Variants in NUDT6 observed in about 807,000 individuals in gnomAD.
The protein encoded by NUDT6 is nudix hydrolase 6.
Under a neutral mutation model 36.8 loss-of-function variants are expected in NUDT6, and 24 were observed. The ratio of observed to expected loss-of-function variants is 0.65; its 90% confidence interval spans 0.47 to 0.92. NUDT6 has a LOEUF of 0.92. Ranked by LOEUF, NUDT6 falls within the 40% of genes least tolerant of loss-of-function variation. The probability of loss-of-function intolerance (pLI) is 0.00; values close to 1 mark genes in which losing one functional copy is unlikely to be tolerated. For missense variants in NUDT6, 388 were observed against 392.8 expected, an observed-to-expected ratio of 0.99 and a Z score of 0.10; for synonymous variants, 163 against 157.0, an observed-to-expected ratio of 1.04 and a Z score of -0.29.
intron 3 of NUDT6, among the ~76,000 whole-genome samples, chr4:122,911,244 G>C (rs1483820305): frequency 6.6e-6 from 1 of 152,102 alleles, no homozygotes; most frequent in Non-Finnish European, 1.5e-5. Context: ...TGGGCATACT[G>C]TTGTCAGGCT....
At chr4:122,895,976 A>C (rs1040929262) in intron 4 of NUDT6, 1 of 152,676 alleles carries the variant, frequency 6.5e-6, no homozygotes, top group Non-Finnish European at 1.5e-5. Flanking sequence ...AAATGCCTTC[A>C]TATAGACATA....
chr4:122,912,432 G>A (rs1189963473), intron 3 of NUDT6, 136 bp downstream of exon 3: 3 of 664,656 alleles, frequency 4.5e-6, no homozygotes, highest in Non-Finnish European at 7.9e-6. Flanking sequence ...TATCTAAGGT[G>A]ATCCATAACT....
intron 3 of NUDT6, among the ~76,000 whole-genome samples, chr4:122,911,106 A>G (rs921691054): frequency 3.9e-5 from 6 of 152,322 alleles, no homozygotes; most frequent in African/African-American, 9.6e-5. Context: ...TCTATCTGCT[A>G]TATTGGAGAG....
intron 3 of NUDT6, among the ~76,000 whole-genome samples, chr4:122,906,861 T>C (rs1432187468): frequency 6.6e-6 from 1 of 152,170 alleles, no homozygotes; most frequent in Non-Finnish European, 1.5e-5. Flanking sequence ...TGGTCATCCT[T>C]ACTGCTCATT....
intron 3 of NUDT6, among the ~76,000 whole-genome samples, chr4:122,911,692 T>C (rs1049702258): frequency 6.6e-6 from 1 of 152,174 alleles, no homozygotes; most frequent in Non-Finnish European, 1.5e-5. Context: ...TGGGGAAAAA[T>C]GTTTGACTAT....
chr4:122,898,749 A>C (rs897698499), intron 3 of NUDT6, among the ~76,000 whole-genome samples: 2 of 152,184 alleles, frequency 1.3e-5, no homozygotes, highest in African/African-American at 4.8e-5. Context: ...TTAATGTAGA[A>C]ATATATCTGT....
intron 3 of NUDT6, among the ~76,000 whole-genome samples, chr4:122,910,838 C>T (rs1051994939): frequency 1.1e-4 from 16 of 152,060 alleles, no homozygotes; most frequent in African/African-American, 3.6e-4. Context: ...CCTAGGGACC[C>T]GGGTCTGCTG....
intron 1 of NUDT6, 117 bp downstream of exon 1, chr4:122,922,218 C>T: frequency 2.4e-6 from 2 of 832,694 alleles, no homozygotes; most frequent in East Asian, 3.1e-5. Context: ...CGCGTGCCTT[C>T]TCCCTTTCCC....
chr4:122,915,643 T>A (rs968108816), intron 2 of NUDT6, among the ~76,000 whole-genome samples: 2 of 152,188 alleles, frequency 1.3e-5, no homozygotes, highest in African/African-American at 4.8e-5. Context: ...AACTATAATG[T>A]ACAATATACA....
intron 3 of NUDT6, among the ~76,000 whole-genome samples, chr4:122,901,614 T>G (rs1727525497): frequency 6.6e-6 from 1 of 152,208 alleles, no homozygotes. Context: ...GATGCATTTT[T>G]TAGAGATATT....
chr4:122,922,314 C>T, intron 1 of NUDT6, 21 bp downstream of exon 1: 4 of 1,587,186 alleles, frequency 2.5e-6, no homozygotes, highest in African/African-American at 1.3e-5. Context: ...CCCGGGAGCC[C>T]TTCGTCCCAG....
chr4:122,896,318 T>A (rs1318286541), intron 4 of NUDT6: 1 of 152,474 alleles, frequency 6.6e-6, no homozygotes, highest in East Asian at 1.9e-4. Flanking sequence ...CATCTACAAG[T>A]AAGTACAGCT....
chr4:122,897,496 G>T, intron 4 of NUDT6, 128 bp downstream of exon 4: 1 of 698,636 alleles, frequency 1.4e-6, no homozygotes. Flanking sequence ...GGTAATTTCT[G>T]AAATGTTCAG....
intron 1 of NUDT6, chr4:122,922,012 A>C (rs993732120): frequency 9.4e-6 from 3 of 318,484 alleles, no homozygotes; most frequent in Non-Finnish European, 1.7e-5. Flanking sequence ...TAATTCCAGG[A>C]GTTCTTATCA....
At chr4:122,909,293 T>C (rs998045389) in intron 3 of NUDT6, among the ~76,000 whole-genome samples, 3 of 152,202 alleles carry the variant, frequency 2.0e-5, no homozygotes, top group South Asian at 2.1e-4. Flanking sequence ...ATTCTGCCTA[T>C]TAACTAGTTG....
chr4:122,915,482 A>AC lies in NUDT6; in HGVS notation c.442+2018_442+2019insG, dbSNP rs1560773887. Among the ~76,000 whole-genome samples the AC allele has an allele frequency of 1.0e-3, 104 of 103,998 alleles. 1 individual carries two copies. Among genetic ancestry groups the AC allele is most frequent in the South Asian group, 2.1e-3 (6 of 2,914 alleles). The allele number at this position is 103,998 out of a possible 152,430, so 68.2% of individuals were successfully genotyped here. A position where few individuals can be genotyped will look rare whatever the true frequency, so the allele number is the denominator to read the frequency against. On this transcript the variant is annotated intron_variant, in intron 2 of 4. Coordinates refer to ENST00000304430, the MANE Select transcript of NUDT6 (RefSeq NM_007083.5). ...GAGACCCTGCCTCAAAAAAAAAAAAAAAAAAAAAAAAAAAAACAACTCTGC... is the reference window on the plus strand; with the variant it reads ...GAGACCCTGCCTCAAAAAAAAAAAAACAAAAAAAAAAAAAAAACAACTCTGC...
At chr4:122,915,580 C>G (rs1727822102) in intron 2 of NUDT6, among the ~76,000 whole-genome samples, 1 of 151,572 alleles carries the variant, frequency 6.6e-6, no homozygotes, top group Non-Finnish European at 1.5e-5. Context: ...AGTTAGTGTT[C>G]AAGATTGGTC....
chr4:122,921,234 G>T (rs1727975910), intron 1 of NUDT6: 1 of 152,202 alleles, frequency 6.6e-6, no homozygotes, highest in Non-Finnish European at 1.5e-5. Flanking sequence ...GACAGCTGTT[G>T]ACCCAATTTG....
chr4:122,921,893 G>A (rs1006142651), intron 1 of NUDT6: 1 of 156,028 alleles, frequency 6.4e-6, no homozygotes, highest in African/African-American at 2.4e-5. Flanking sequence ...GCTCGGTAAA[G>A]GATACTAATA....
Sources: allele counts gnomAD v4.1 joint callset (sites outside exome capture counted in the v4.1 genomes callset), GRCh38; gene constraint gnomAD v4.1.1; transcripts MANE v1.5; gene names NCBI Gene and HGNC (gene_info 2026-07-23, HGNC 2026-07-21).